The following CELF2 variants were observed in gnomAD, a reference collection of about 807,000 sequenced individuals.
CELF2 encodes CUG triplet repeat RNA-binding protein 2.
CELF2 carries 8 observed loss-of-function variants against 62.6 expected under a neutral mutation model. That is an observed-to-expected ratio of 0.13 (90% CI 0.07 to 0.23). CELF2 has a LOEUF of 0.23. CELF2 is among the 10% of genes least tolerant of loss of function. CELF2 has a pLI of 1.00. For missense variants in CELF2, 333 were observed against 671.0 expected, an observed-to-expected ratio of 0.50 and a Z score of 5.56; for synonymous variants, 258 against 250.0, an observed-to-expected ratio of 1.03 and a Z score of -0.30.
intron 1 of CELF2, among the ~76,000 whole-genome samples, chr10:11,085,508 G>A (rs1296674183): frequency 6.6e-6 from 1 of 152,134 alleles, no homozygotes; most frequent in African/African-American, 2.4e-5. Flanking sequence ...CATTTACAAA[G>A]TTCTCCTAAG....
chr10:11,012,305 C>T lies in CELF2; in HGVS notation c.53+6865C>T, dbSNP rs1485030620. Among the ~76,000 whole-genome samples, 1 of 152,194 alleles carries T rather than the reference C, an allele frequency of 6.6e-6. No homozygotes were observed. Among genetic ancestry groups the T allele is most frequent in the East Asian group, 1.9e-4 (1 of 5,198 alleles). ...CGAGCTCTTTGGGAGGGATCAGTTA[C>T]CATAGTGAGTCAAGTAGATTCATTT... On this transcript the variant is annotated intron_variant, in intron 1 of 12. Transcript: ENST00000416382. The surrounding 1 kb of genome is among the most constrained non-coding windows in gnomAD (Gnocchi z 5.5).
chr10:11,246,738 C>T lies in CELF2; in HGVS notation c.355-2415C>T, dbSNP rs555786007. On this transcript the variant is annotated intron_variant, in intron 3 of 12. Coordinates refer to ENST00000633077, the MANE Select transcript of CELF2 (RefSeq NM_001326342.2). This position sits in a 1 kb window ranked among gnomAD's most constrained non-coding sequence, Gnocchi z 4.6. ...CTGGTATTCTCTGCAGTTCTGTCCT[C>T]GGCTCTCAGCTCTTTGCACCCTTCT... 8.5e-5 allele frequency among the ~76,000 whole-genome samples: 13 copies of T among 152,298 alleles called. No individual in the cohort carries two copies. The East Asian group carries it at 1.9e-3, about 23-fold the overall frequency.
chr10:11,304,115 A>G (rs887092532), intron 9 of CELF2, among the ~76,000 whole-genome samples: 1 of 152,154 alleles, frequency 6.6e-6, no homozygotes, highest in African/African-American at 2.4e-5. Flanking sequence ...TCTGTAGATG[A>G]GGAACCCAGC....
chr10:10,796,233 T>C (rs1378199769), upstream of CELF2, among the ~76,000 whole-genome samples: 1 of 152,160 alleles, frequency 6.6e-6, no homozygotes, highest in Non-Finnish European at 1.5e-5. Context: ...CATTAACAAA[T>C]GGGGAGTACA....
chr10:11,204,526 G>A (rs186888238), intron 2 of CELF2, among the ~76,000 whole-genome samples: 1 of 152,250 alleles, frequency 6.6e-6, no homozygotes, highest in African/African-American at 2.4e-5. Context: ...CCGGTGCCTG[G>A]CACCACGCCA....
intron 2 of CELF2, among the ~76,000 whole-genome samples, chr10:11,170,856 T>C (rs2068651609): frequency 6.6e-6 from 1 of 152,190 alleles, no homozygotes. Flanking sequence ...ATCATAGCAC[T>C]CTGAGAAAGC....
intron 2 of CELF2, among the ~76,000 whole-genome samples, chr10:11,204,556 G>T (rs1254285164): frequency 6.6e-6 from 1 of 152,220 alleles, no homozygotes; most frequent in Non-Finnish European, 1.5e-5. Flanking sequence ...GGGGGCCGGT[G>T]GGGGGACCCA....
Position 11,075,669 on chromosome 10 carries a change from G to A in CELF2, c.74+57506G>A, listed in dbSNP as rs531711858. On this transcript the variant is annotated intron_variant, in intron 1 of 12. Coordinates refer to ENST00000633077, the MANE Select transcript of CELF2 (RefSeq NM_001326342.2). The surrounding 1 kb of genome is among the most constrained non-coding windows in gnomAD (Gnocchi z 5.4). ...GTTCACTTAGAGACTTGTCTTTGGC[G>A]GATAAAGTGTTTGCAGCCAAGCAGG... 3.3e-5 allele frequency among the ~76,000 whole-genome samples: 5 copies of A among 152,196 alleles called. No homozygotes were observed. The highest frequency in any genetic ancestry group is 9.6e-5 in the African/African-American group (4 of 41,546).
chr10:10,584,943 A>C, the CELF2 span, among the ~76,000 whole-genome samples: 5 of 152,136 alleles, frequency 3.3e-5, no homozygotes, highest in East Asian at 9.6e-4. Context: ...AGAAGGAGGA[A>C]ATTTTGAGAG....
the CELF2 span, among the ~76,000 whole-genome samples, chr10:10,746,014 C>T: frequency 1.9e-3 from 289 of 152,308 alleles, 3 homozygotes; most frequent in East Asian, 0.02. Context: ...TTATTAGTAT[C>T]TCAAACTGCT....
At chr10:11,151,215 T>C in intron 1 of CELF2, among the ~76,000 whole-genome samples, 1 of 152,246 alleles carries the variant, frequency 6.6e-6, no homozygotes, top group East Asian at 1.9e-4. Flanking sequence ...AATCAAGTTA[T>C]TAAATTTAAA....
chr10:10,747,514 A>G, the CELF2 span, among the ~76,000 whole-genome samples: 1 of 152,166 alleles, frequency 6.6e-6, no homozygotes, highest in South Asian at 2.1e-4. Flanking sequence ...CTGGAGTGTA[A>G]GAAAGATTCC....
the CELF2 span, among the ~76,000 whole-genome samples, chr10:10,492,427 T>C: frequency 6.6e-6 from 1 of 152,052 alleles, no homozygotes; most frequent in African/African-American, 2.4e-5. Flanking sequence ...AACCTGCACG[T>C]TGTGCACATG....
the CELF2 span, among the ~76,000 whole-genome samples, chr10:10,525,421 G>A: frequency 6.6e-6 from 1 of 152,052 alleles, no homozygotes; most frequent in Non-Finnish European, 1.5e-5. Context: ...TGTTGCCCCA[G>A]GCAATTCTTC....
chr10:10,573,758 C>T, the CELF2 span, among the ~76,000 whole-genome samples: 44 of 146,736 alleles, frequency 3.0e-4, no homozygotes, highest in African/African-American at 1.2e-3. Context: ...TCAACATAAT[C>T]GTTTCAGCTT....
chr10:11,126,266 G>A (rs994440426), intron 1 of CELF2, among the ~76,000 whole-genome samples: 14 of 151,984 alleles, frequency 9.2e-5, no homozygotes, highest in African/African-American at 1.9e-4. Context: ...ACCATTTTTC[G>A]CCTCTGTATC....
the CELF2 span, among the ~76,000 whole-genome samples, chr10:10,621,681 G>A: frequency 2.6e-5 from 4 of 152,272 alleles, no homozygotes; most frequent in East Asian, 1.9e-4. Context: ...TTGGGAAAAC[G>A]AAGGAGCAGA....
chr10:10,535,893 T>A, the CELF2 span, among the ~76,000 whole-genome samples: 2 of 152,098 alleles, frequency 1.3e-5, no homozygotes, highest in Non-Finnish European at 2.9e-5. Context: ...ATTTTAGACT[T>A]TACACCACAT....
the CELF2 span, among the ~76,000 whole-genome samples, chr10:10,752,137 T>C: frequency 1.3e-5 from 2 of 152,202 alleles, no homozygotes; most frequent in Non-Finnish European, 2.9e-5. Flanking sequence ...GCATGGACCA[T>C]ATCCAGATGT....
Sources: gnomAD v4.1 joint callset for allele counts (sites outside exome capture counted in the v4.1 genomes callset) on GRCh38, gnomAD v4.1.1 for gene constraint, Gnocchi (gnomAD v3.1) non-coding constraint, MANE v1.5 for transcripts, NCBI Gene and HGNC (gene_info 2026-07-23, HGNC 2026-07-21) for gene names.